DAB1: variants seen among roughly 807,000 people sequenced by gnomAD.
DAB1 encodes the protein DAB adaptor protein 1, also known as disabled homolog 1.
A neutral mutation model predicts 64.6 loss-of-function variants in DAB1; 15 were observed. That is an observed-to-expected ratio of 0.23 (90% CI 0.16 to 0.36). DAB1 has a LOEUF of 0.36. DAB1 is among the 10% of genes least tolerant of loss of function. DAB1 has a pLI of 1.00. For missense variants in DAB1, 596 were observed against 706.7 expected (o/e 0.84, Z 1.78); for synonymous variants, 235 against 251.9 (o/e 0.93, Z 0.64).
intron 2 of DAB1, among the ~76,000 whole-genome samples, chr1:57,283,800 A>G (rs958139670): frequency 1.2e-4 from 18 of 152,204 alleles, no homozygotes; most frequent in African/African-American, 3.9e-4. Context: ...CCAGCCAGGG[A>G]GCCATTCCTG....
chr1:58,011,149 A>C (rs1326417171), intron 5 of DAB1, among the ~76,000 whole-genome samples: 2 of 152,206 alleles, frequency 1.3e-5, no homozygotes, highest in African/African-American at 4.8e-5. Context: ...GACCTGGCCC[A>C]GTATGGGTCT....
chr1:57,812,957 A>G (rs1557494731), intron 6 of DAB1, among the ~76,000 whole-genome samples: 1 of 152,170 alleles, frequency 6.6e-6, no homozygotes, highest in Non-Finnish European at 1.5e-5. Context: ...GGTCTACACT[A>G]CCACACGTAT....
At chr1:57,275,157 A>G (rs895604523) in intron 2 of DAB1, among the ~76,000 whole-genome samples, 2 of 152,198 alleles carry the variant, frequency 1.3e-5, no homozygotes, top group African/African-American at 4.8e-5. Flanking sequence ...AAAGAGAGAG[A>G]GAATATAAAA....
At position 58,238,126 on chromosome 1, in the gene DAB1, G is replaced by A. The variant is rs145780630; in HGVS notation, n.310-87538C>T. 5.4e-3 allele frequency among the ~76,000 whole-genome samples: 829 copies of A among 152,152 alleles called. 5 individuals carry two copies. Among genetic ancestry groups the A allele is most frequent in the African/African-American group, 0.019 (770 of 41,502 alleles). ...AGTACCTGGAATTGTGCTAGCTATC[G>A]GGATACAAAGATATAAACCATGCTC... is the stretch of plus-strand genomic sequence containing the variant. On this transcript the variant is annotated intron_variant and non_coding_transcript_variant, in intron 4 of 20. Transcript: ENST00000485760.
intron 7 of DAB1, among the ~76,000 whole-genome samples, chr1:57,429,528 C>T (rs975232810): frequency 3.3e-5 from 5 of 152,112 alleles, no homozygotes; most frequent in African/African-American, 1.2e-4. Flanking sequence ...CTTTTGTTGC[C>T]TATGCTTTTG....
At chr1:57,821,318 A>AT (rs1168172306), downstream of DAB1, among the ~76,000 whole-genome samples, 1 of 151,636 alleles carries the variant, frequency 6.6e-6, no homozygotes, top group African/African-American at 2.4e-5. Flanking sequence ...AATAATAATA[A>AT]AAAAAGCACC....
At chr1:58,063,011 T>A (rs1648600552) in intron 5 of DAB1, among the ~76,000 whole-genome samples, 1 of 152,172 alleles carries the variant, frequency 6.6e-6, no homozygotes, top group African/African-American at 2.4e-5. Flanking sequence ...AAGTACTGAT[T>A]GAGGGATTAC....
chr1:58,017,765 C>A (rs1646761464), intron 5 of DAB1, among the ~76,000 whole-genome samples: 1 of 152,132 alleles, frequency 6.6e-6, no homozygotes, highest in Admixed American at 6.5e-5. Flanking sequence ...GAGTGGCAGC[C>A]CTCTTCCCTA....
intron 3 of DAB1, among the ~76,000 whole-genome samples, chr1:58,400,977 A>G (rs1644564272): frequency 6.6e-6 from 1 of 152,208 alleles, no homozygotes; most frequent in Non-Finnish European, 1.5e-5. Context: ...TAATGGAAAG[A>G]GCATTGTCAT....
intron 3 of DAB1, among the ~76,000 whole-genome samples, chr1:58,377,738 TTGGGGAAG>T: frequency 7.2e-6 from 1 of 138,726 alleles, no homozygotes; most frequent in Admixed American, 7.1e-5. Context: ...CCTTGCTAGA[TTGGGGAAG>T]TTCTCCTGGA....
chr1:58,392,923 G>C (rs1414749087), intron 3 of DAB1, among the ~76,000 whole-genome samples: 1 of 151,912 alleles, frequency 6.6e-6, no homozygotes, highest in African/African-American at 2.4e-5. Context: ...CTCCTCTCAG[G>C]CTACACAATC....
At chr1:57,509,567 G>A (rs1644384820) in intron 7 of DAB1, among the ~76,000 whole-genome samples, 1 of 151,976 alleles carries the variant, frequency 6.6e-6, no homozygotes. Context: ...CACCCTATTA[G>A]CTGATGACCT....
At chr1:58,196,342 C>T (rs1433241815) in intron 4 of DAB1, among the ~76,000 whole-genome samples, 2 of 152,192 alleles carry the variant, frequency 1.3e-5, no homozygotes, top group African/African-American at 4.8e-5. Flanking sequence ...ATCAAGAAGG[C>T]TTCTGCCTGT....
intron 4 of DAB1, among the ~76,000 whole-genome samples, chr1:57,117,177 T>C (rs919561844): frequency 2.6e-5 from 4 of 152,172 alleles, no homozygotes; most frequent in Admixed American, 6.5e-5. Context: ...CAGTGAAAAG[T>C]AGGGTTTTTT....
intron 4 of DAB1, among the ~76,000 whole-genome samples, chr1:57,115,363 T>C (rs1485075960): frequency 6.6e-6 from 1 of 152,196 alleles, no homozygotes; most frequent in Admixed American, 6.5e-5. Context: ...CATGGGGTTG[T>C]CACAGAGAAG....
chr1:57,002,210 A>G (rs905689975), intron 14 of DAB1, among the ~76,000 whole-genome samples: 6 of 152,146 alleles, frequency 3.9e-5, no homozygotes, highest in African/African-American at 1.4e-4. Context: ...GAAACACCCA[A>G]TTTTCTCGAA....
At chr1:58,477,219 TACAAA>T (rs371317341) in intron 3 of DAB1, among the ~76,000 whole-genome samples, 2 of 152,220 alleles carry the variant, frequency 1.3e-5, no homozygotes, top group African/African-American at 4.8e-5. Flanking sequence ...TATAATTCAG[TACAAA>T]ACAAGACAAA....
chr1:57,916,363 T>C (rs1644727192), intron 5 of DAB1, among the ~76,000 whole-genome samples: 1 of 152,206 alleles, frequency 6.6e-6, no homozygotes, highest in Admixed American at 6.5e-5. Context: ...CATTCGAACA[T>C]AGGCAAACCT....
At chr1:57,282,391 C>G (rs1671986701) in intron 2 of DAB1, among the ~76,000 whole-genome samples, 1 of 151,898 alleles carries the variant, frequency 6.6e-6, no homozygotes, top group African/African-American at 2.4e-5. Context: ...AGATGGGAAC[C>G]ACATTTCAAA....
Sources: gnomAD v4.1 joint callset for allele counts (sites outside exome capture counted in the v4.1 genomes callset) on GRCh38, gnomAD v4.1.1 for gene constraint, MANE v1.5 for transcripts, NCBI Gene and HGNC (gene_info 2026-07-23, HGNC 2026-07-21) for gene names.